Variants in N4BP2L2 observed in about 807,000 individuals in gnomAD.
N4BP2L2 encodes NEDD4 binding protein 2 like 2.
A neutral mutation model predicts 56.2 loss-of-function variants in N4BP2L2; 50 were observed. The observed-to-expected ratio is 0.89, with a 90% CI of 0.71 to 1.13. N4BP2L2 has a LOEUF of 1.13. Ranked by LOEUF, N4BP2L2 falls within the 50% of genes most tolerant of loss-of-function variation. N4BP2L2 has a pLI of 0.00. For missense variants in N4BP2L2, 689 were observed against 693.8 expected, an observed-to-expected ratio of 0.99 and a Z score of 0.08; for synonymous variants, 203 against 223.6, an observed-to-expected ratio of 0.91 and a Z score of 0.82.
chr13:32,468,432 T>C (rs767781333), intron 6 of N4BP2L2, among the ~76,000 whole-genome samples: 2 of 152,120 alleles, frequency 1.3e-5, no homozygotes, highest in Non-Finnish European at 2.9e-5. Flanking sequence ...AGCCAAAGAG[T>C]TGATACTCTC....
chr13:32,478,164 C>G (rs1177303960), intron 6 of N4BP2L2: 1 of 778,090 alleles, frequency 1.3e-6, no homozygotes, highest in Non-Finnish European at 1.8e-6. Flanking sequence ...CAACGAAGAA[C>G]TTGGGCAGGT....
intron 6 of N4BP2L2, among the ~76,000 whole-genome samples, chr13:32,488,289 A>C (rs1048286767): frequency 2.0e-5 from 3 of 152,348 alleles, no homozygotes; most frequent in South Asian, 2.1e-4. Context: ...CCATAATCCT[A>C]AACAAATTAG....
exon 2 of N4BP2L2, chr13:32,536,527 C>A: frequency 1.2e-6 from 2 of 1,613,872 alleles, no homozygotes; most frequent in East Asian, 2.2e-5. Flanking sequence ...CATTGTCAAT[C>A]TCTGATTTTT....
chr13:32,486,371 A>G (rs1262888239), intron 6 of N4BP2L2, among the ~76,000 whole-genome samples: 1 of 152,158 alleles, frequency 6.6e-6, no homozygotes, highest in East Asian at 1.9e-4. Flanking sequence ...ATGTAATTAA[A>G]AACTATTAAA....
chr13:32,537,032 G>A lies in N4BP2L2; in HGVS notation c.1-5C>T, dbSNP rs757240961. 1.3e-6 allele frequency: 2 copies of A among 1,495,782 alleles called. No homozygotes were observed. The highest frequency in any genetic ancestry group is 2.8e-5 in the African/African-American group (2 of 70,816). 92.7% of individuals were successfully genotyped at this position (1,495,782 alleles called of 1,614,324 possible). A position where few individuals can be genotyped will look rare whatever the true frequency, so the allele number is the denominator to read the frequency against. ...TTCAATTTCACCATAAGACATCTGA[G>A]AAATAAATAAATCATACAATTACTA... On this transcript the variant is annotated splice_polypyrimidine_tract_variant and splice_region_variant and intron_variant, in intron 1 of 5. Coordinates refer to ENST00000267068, the Ensembl canonical transcript of N4BP2L2.
intron 6 of N4BP2L2, among the ~76,000 whole-genome samples, chr13:32,445,057 T>C (rs2076839917): frequency 6.6e-6 from 1 of 152,204 alleles, no homozygotes; most frequent in Non-Finnish European, 1.5e-5. Flanking sequence ...GAGACCAACC[T>C]GGCCAACGTG....
In N4BP2L2 at chr13:32,460,059, T is replaced by C. The variant is rs140790944; in HGVS notation, c.366-15933A>G. On this transcript the variant is annotated intron_variant, in intron 6 of 9. Coordinates refer to the N4BP2L2 transcript ENST00000357505. ...CGACAGAATGAAGGACAAAACCATA[T>C]GATCATCTCAACAGATGCAGAAAAA... Among the ~76,000 whole-genome samples the C allele has an allele frequency of 3.3e-5, 5 of 152,246 alleles. No homozygotes were observed. The East Asian group carries it at 7.7e-4, about 23-fold the overall frequency.
At chr13:32,536,358 G>A (rs778394958) in exon 2 of N4BP2L2, 2 of 1,613,916 alleles carry the variant, frequency 1.2e-6, no homozygotes, top group Non-Finnish European at 1.7e-6. Flanking sequence ...TTATTACTAA[G>A]ATCTTTCTTT....
chr13:32,504,261 A>C (rs574834988), intron 6 of N4BP2L2, among the ~76,000 whole-genome samples: 1 of 152,356 alleles, frequency 6.6e-6, no homozygotes, highest in African/African-American at 2.4e-5. Context: ...TTCCCACAAC[A>C]AAGTACCAAA....
intron 6 of N4BP2L2, chr13:32,477,177 T>G (rs1336941478): frequency 3.9e-6 from 2 of 514,146 alleles, no homozygotes; most frequent in Non-Finnish European, 7.3e-6. Flanking sequence ...ATCTACTCAT[T>G]TCTCCTTGGG....
intron 6 of N4BP2L2, among the ~76,000 whole-genome samples, chr13:32,462,040 T>C (rs879532212): frequency 1.3e-5 from 2 of 152,204 alleles, no homozygotes; most frequent in Non-Finnish European, 2.9e-5. Context: ...TAAATATTTC[T>C]CACAGAACTA....
intron 6 of N4BP2L2, among the ~76,000 whole-genome samples, chr13:32,500,918 G>C (rs2089896334): frequency 7.0e-6 from 1 of 143,634 alleles, no homozygotes; most frequent in African/African-American, 2.6e-5. Flanking sequence ...GCCCAGGCTA[G>C]AGTTCAATGG....
intron 2 of N4BP2L2, among the ~76,000 whole-genome samples, chr13:32,534,535 G>A (rs902218202): frequency 3.3e-5 from 5 of 152,136 alleles, no homozygotes; most frequent in Middle Eastern, 3.2e-3. Flanking sequence ...TATTATAGAG[G>A]TGAAATTTCA....
chr13:32,496,387 A>G (rs1328535692), intron 6 of N4BP2L2, among the ~76,000 whole-genome samples: 1 of 152,150 alleles, frequency 6.6e-6, no homozygotes, highest in Non-Finnish European at 1.5e-5. Context: ...ATTTCCAGAG[A>G]GAAAATACAA....
chr13:32,469,788 C>A (rs1265343478), intron 6 of N4BP2L2, among the ~76,000 whole-genome samples: 1 of 152,224 alleles, frequency 6.6e-6, no homozygotes, highest in Non-Finnish European at 1.5e-5. Context: ...CAAGTATAGA[C>A]TTGGTGCAAC....
intron 5 of N4BP2L2, among the ~76,000 whole-genome samples, chr13:32,518,601 C>T (rs1489122887): frequency 6.6e-6 from 1 of 151,882 alleles, no homozygotes; most frequent in African/African-American, 2.4e-5. Flanking sequence ...TTTTTTTAAC[C>T]TTGCCCCTGC....
At chr13:32,536,098 G>A (rs2056485033) in exon 2 of N4BP2L2, 5 of 1,614,068 alleles carry the variant, frequency 3.1e-6, no homozygotes, top group Non-Finnish European at 4.2e-6. Context: ...GTATCTGAGA[G>A]TCATCTTGGG....
rs772541236 is a variant in N4BP2L2, at chr13:32,442,934, TTCTA to T, written c.1554_1557del (p.Asp518GlufsTer16). The T allele has an allele frequency of 4.9e-5, 79 of 1,612,796 alleles. 2 individuals are homozygous for T. The highest frequency in any genetic ancestry group is 2.0e-4 in the African/African-American group (15 of 74,818). On this transcript the variant is annotated frameshift_variant, in exon 7 of 10. Transcript: ENST00000357505. LOFTEE classifies it high-confidence loss of function. The stretch of plus-strand genomic sequence containing the variant: ...TCCTCTTCACTGTTCCTTTCTGAAA[TTCTA>T]TCTTTTTCTTCTCCCAAAGTAATTT...
intron 6 of N4BP2L2, among the ~76,000 whole-genome samples, chr13:32,457,885 A>T (rs2079244923): frequency 6.6e-6 from 1 of 152,222 alleles, no homozygotes; most frequent in African/African-American, 2.4e-5. Flanking sequence ...AAACAATAAA[A>T]GAGAAACAAA....
Sources: allele counts gnomAD v4.1 joint callset (sites outside exome capture counted in the v4.1 genomes callset), GRCh38; gene constraint gnomAD v4.1.1; transcripts MANE v1.5; gene names NCBI Gene and HGNC (gene_info 2026-07-23, HGNC 2026-07-21).